EHHADH: variants seen among roughly 807,000 people sequenced by gnomAD.
EHHADH encodes peroxisomal bifunctional enzyme.
EHHADH carries 48 observed loss-of-function variants against 64.4 expected under a neutral mutation model. That is an observed-to-expected ratio of 0.75 (90% confidence interval 0.59 to 0.95). The LOEUF (loss-of-function observed/expected upper bound fraction) is 0.95, where lower values mean the gene tolerates loss of function less well. EHHADH is among the 40% of genes least tolerant of loss of function. The probability of loss-of-function intolerance (pLI) is 0.00; values close to 1 mark genes in which losing one functional copy is unlikely to be tolerated. For missense variants in EHHADH, 854 were observed against 876.6 expected (o/e 0.97, Z 0.33); for synonymous variants, 308 against 326.7 (o/e 0.94, Z 0.62).
At chr3:185,205,497 C>T (rs1040464866) in intron 5 of EHHADH, among the ~76,000 whole-genome samples, 1 of 152,110 alleles carries the variant, frequency 6.6e-6, no homozygotes, top group Admixed American at 6.6e-5. Flanking sequence ...GGAAGAGAAT[C>T]GAGAGTTCAC....
intron 2 of EHHADH, 35 bp downstream of exon 2, chr3:185,248,378 TC>T (rs1312835283): frequency 1.4e-6 from 2 of 1,451,034 alleles, no homozygotes; most frequent in African/African-American, 2.8e-5. Flanking sequence ...GTGGCTGGAT[TC>T]CAGAGATGGT....
intron 3 of EHHADH, among the ~76,000 whole-genome samples, chr3:185,234,004 A>T (rs1340567985): frequency 6.6e-6 from 1 of 152,218 alleles, no homozygotes; most frequent in Non-Finnish European, 1.5e-5. Context: ...AAAAAATTAC[A>T]TACAAAAAAA....
chr3:185,213,119 C>CAAAAAAAAAAAAAAAAAAAAAAAAAAA lies in EHHADH; in HGVS notation c.568+4990_568+5016dup, dbSNP rs550233979. On this transcript the variant is annotated intron_variant, in intron 5 of 6. Transcript: ENST00000231887. Reference sequence around the variant, plus strand: ...TGGGTGAAGAAGCAAGACTCTGTCTCAAAAAAAAAAAAAAAAAAAAAAAAA... The same window carrying CAAAAAAAAAAAAAAAAAAAAAAAAAAA: ...TGGGTGAAGAAGCAAGACTCTGTCTCAAAAAAAAAAAAAAAAAAAAAAAAAAAAAAAAAAAAAAAAAAAAAAAAAAAA... Among the ~76,000 whole-genome samples, 17 of 43,056 alleles carry CAAAAAAAAAAAAAAAAAAAAAAAAAAA rather than the reference C, an allele frequency of 3.9e-4. 1 individual carries two copies. Among genetic ancestry groups the CAAAAAAAAAAAAAAAAAAAAAAAAAAA allele is most frequent in the African/African-American group, 1.2e-3 (15 of 12,482 alleles). The allele number at this position is 43,056 out of a possible 152,430, so 28.2% of individuals were successfully genotyped here.
At chr3:185,220,648 C>T (rs922542454) in intron 4 of EHHADH, among the ~76,000 whole-genome samples, 8 of 152,178 alleles carry the variant, frequency 5.3e-5, no homozygotes, top group African/African-American at 1.9e-4. Context: ...AAAGACATGG[C>T]TCTGTATATC....
intron 2 of EHHADH, among the ~76,000 whole-genome samples, chr3:185,237,052 C>A (rs752700163): frequency 6.6e-6 from 1 of 152,062 alleles, no homozygotes; most frequent in Non-Finnish European, 1.5e-5. Context: ...GACTACAAAC[C>A]CCACATTCTT....
chr3:185,253,235 T>G (rs1341055797), intron 1 of EHHADH: 1 of 118,946 alleles, frequency 8.4e-6, no homozygotes, highest in Non-Finnish European at 1.7e-5. Context: ...ACTTTTAACA[T>G]TAAAAAAAAA....
At chr3:185,225,612 C>T (rs185475124) in intron 4 of EHHADH, among the ~76,000 whole-genome samples, 2 of 152,208 alleles carry the variant, frequency 1.3e-5, no homozygotes, top group East Asian at 3.9e-4. Context: ...CTGCTTGAAA[C>T]ACTCCAATGC....
chr3:185,238,973 G>A (rs914772217), intron 2 of EHHADH, among the ~76,000 whole-genome samples: 1 of 152,202 alleles, frequency 6.6e-6, no homozygotes, highest in African/African-American at 2.4e-5. Context: ...TATGGTGAAA[G>A]ATAGGGGTCC....
chr3:185,241,465 T>A (rs1032330379), intron 2 of EHHADH, among the ~76,000 whole-genome samples: 5 of 152,222 alleles, frequency 3.3e-5, no homozygotes, highest in African/African-American at 1.2e-4. Flanking sequence ...CAACATCTAC[T>A]GTTTTTTGAT....
intron 6 of EHHADH, among the ~76,000 whole-genome samples, chr3:185,199,202 T>C (rs754543101): frequency 2.0e-5 from 3 of 151,974 alleles, no homozygotes; most frequent in Non-Finnish European, 4.4e-5. Context: ...GGGAAAAACA[T>C]AGGGAGAAAT....
At position 185,192,674 on chromosome 3, in the gene EHHADH, G is replaced by A; in HGVS notation, c.1724C>T (p.Thr575Ile). The part of the protein sequence containing the change: ...LCELGRFGQK[T>I]GKGWYQYDKP... ...GTCATATTGATACCAACCCTTACCT[G>A]TCTTCTGGCCAAATCGTCCTAATTC... The change falls in exon 7 of 7, where the codon ACA (threonine) becomes ATA (isoleucine). Residue 575 changes from threonine to isoleucine, a missense_variant. Coordinates refer to ENST00000231887, the MANE Select transcript of EHHADH (RefSeq NM_001966.4). 6.2e-7 allele frequency: 1 copy of A among 1,614,138 alleles called. No homozygotes were observed. The highest frequency in any genetic ancestry group is 8.5e-7 in the Non-Finnish European group (1 of 1,180,042).
At chr3:185,253,752 A>T in intron 1 of EHHADH, 197 bp downstream of exon 1, 1 of 1,226,138 alleles carries the variant, frequency 8.2e-7, no homozygotes, top group Non-Finnish European at 1.1e-6. Flanking sequence ...TAACCAAGCT[A>T]ATCTAGGTTA....
In EHHADH at chr3:185,191,372, G is replaced by C. The variant is rs771046079; in HGVS notation, c.*854C>G. On this transcript the variant is annotated 3_prime_UTR_variant, in exon 7 of 7. Coordinates refer to ENST00000231887, the MANE Select transcript of EHHADH (RefSeq NM_001966.4). ...GTTGTATTCAGCTTTTGGCCATTAT[G>C]AATAATTCTGCTATAAATATTTGTG... 3 of 152,170 alleles carry C rather than the reference G, an allele frequency of 2.0e-5. No homozygotes were observed. The highest frequency in any genetic ancestry group is 4.4e-5 in the Non-Finnish European group (3 of 68,032). The allele number at this position is 152,170 out of a possible 1,614,324, so 9.4% of individuals were successfully genotyped here. A position where few individuals can be genotyped will look rare whatever the true frequency, so the allele number is the denominator to read the frequency against.
chr3:185,244,696 A>G lies in EHHADH; in HGVS notation c.178+3718T>C, dbSNP rs568124073. Among the ~76,000 whole-genome samples the G allele has an allele frequency of 4.7e-4, 72 of 152,338 alleles. 4 individuals are homozygous for G. In the South Asian group the frequency reaches 0.015, roughly 31 times the overall value. ...GGAGGAAAGAAAGCCATGTGATTAA[A>G]GTGAGACTGGAGTGATGCATCCATA... is the stretch of plus-strand genomic sequence containing the variant. On this transcript the variant is annotated intron_variant, in intron 2 of 6. Coordinates refer to ENST00000231887, the MANE Select transcript of EHHADH (RefSeq NM_001966.4).
intron 2 of EHHADH, among the ~76,000 whole-genome samples, chr3:185,239,315 T>C (rs1287713816): frequency 6.6e-6 from 1 of 152,214 alleles, no homozygotes; most frequent in African/African-American, 2.4e-5. Context: ...TCTAATTCCA[T>C]GAAAAATGAC....
chr3:185,221,698 G>T (rs987612871), intron 4 of EHHADH, among the ~76,000 whole-genome samples: 2 of 148,868 alleles, frequency 1.3e-5, no homozygotes, highest in African/African-American at 2.5e-5. Flanking sequence ...TCAGTCTCTC[G>T]AGTAGTTGGT....
At chr3:185,202,214 C>T (rs1718249266) in intron 6 of EHHADH, among the ~76,000 whole-genome samples, 1 of 152,046 alleles carries the variant, frequency 6.6e-6, no homozygotes, top group African/African-American at 2.4e-5. Flanking sequence ...GGCGCAGCAC[C>T]TGTAATCCCA....
intron 6 of EHHADH, among the ~76,000 whole-genome samples, chr3:185,201,694 T>C (rs528842288): frequency 2.8e-4 from 42 of 152,354 alleles, no homozygotes; most frequent in African/African-American, 8.7e-4. Flanking sequence ...GTCTTTTATA[T>C]ATTTAGTACG....
At chr3:185,211,878 A>G (rs1043698611) in intron 5 of EHHADH, among the ~76,000 whole-genome samples, 1 of 152,264 alleles carries the variant, frequency 6.6e-6, no homozygotes, top group East Asian at 1.9e-4. Context: ...CCAAAAGAAC[A>G]AATAGACCAA....
Sources: gnomAD v4.1 joint callset for allele counts (sites outside exome capture counted in the v4.1 genomes callset) on GRCh38, gnomAD v4.1.1 for gene constraint, MANE v1.5 for transcripts, NCBI Gene and HGNC (gene_info 2026-07-23, HGNC 2026-07-21) for gene names.